The following LAMA4 variants were observed in gnomAD, a reference collection of about 807,000 sequenced individuals.
LAMA4 encodes laminin subunit alpha 4, also known as laminin subunit alpha-4.
Under a neutral mutation model 207.1 loss-of-function variants are expected in LAMA4, and 127 were observed. The ratio of observed to expected loss-of-function variants is 0.61; its 90% CI spans 0.53 to 0.71. LAMA4 has a LOEUF of 0.71. Among genes scored for constraint, LAMA4 ranks in the 30% least tolerant of loss-of-function variants. The pLI is 0.00. For synonymous variants in LAMA4, 761 were observed against 816.0 expected (o/e 0.93, Z 1.15); for missense variants, 2,093 against 2,246.5 (o/e 0.93, Z 1.38).
intron 24 of LAMA4, among the ~76,000 whole-genome samples, chr6:112,137,045 AAAG>A (rs1554331819): frequency 1.3e-5 from 2 of 152,178 alleles, no homozygotes; most frequent in African/African-American, 2.4e-5. Flanking sequence ...GGATTTAAAA[AAAG>A]AAGGCCATTG....
At position 112,224,437 on chromosome 6, in the gene LAMA4, T is replaced by A. The variant is rs186650849; in HGVS notation, c.196-7968A>T. ...CACTGGCTCTGCTTCCTTCATGCTA[T>A]GCTGATCCATGCCTCCATCCATCGT... On this transcript the variant is annotated intron_variant, in intron 2 of 38. Coordinates refer to ENST00000230538, the MANE Select transcript of LAMA4 (RefSeq NM_001105206.3). Among the ~76,000 whole-genome samples the A allele has an allele frequency of 7.5e-4, 114 of 152,310 alleles. 1 individual carries two copies. Among genetic ancestry groups the A allele is most frequent in the Admixed American group, 2.5e-3 (38 of 15,300 alleles).
chr6:112,141,647 C>G lies in LAMA4; in HGVS notation c.2668-144G>C, dbSNP rs1305480985. 22 of 692,762 alleles carry G rather than the reference C, an allele frequency of 3.2e-5. No individual in the cohort carries two copies. In the Admixed American group the frequency reaches 4.5e-4, roughly 14 times the overall value. 42.9% of individuals were successfully genotyped at this position (692,762 alleles called of 1,614,324 possible). A position where few individuals can be genotyped will look rare whatever the true frequency, so the allele number is the denominator to read the frequency against. The stretch of plus-strand genomic sequence containing the variant: ...AATTATTATCCGAAGCTCCTGTGAG[C>G]AGGCAGTGTCTCTTCCTTTCCAGCC... On this transcript the variant is annotated intron_variant, in intron 20 of 38. Coordinates refer to ENST00000230538, the MANE Select transcript of LAMA4 (RefSeq NM_001105206.3).
chr6:112,191,892 T>C, intron 5 of LAMA4, 42 bp from the exon 6 acceptor site: 1 of 1,391,014 alleles, frequency 7.2e-7, no homozygotes, highest in Non-Finnish European at 1.0e-6. Context: ...AGCATCATGG[T>C]TTTTCTTCCT....
intron 21 of LAMA4, 43 bp from the exon 22 acceptor site, chr6:112,140,965 A>G (rs1554333047): frequency 6.5e-7 from 1 of 1,540,656 alleles, no homozygotes; most frequent in East Asian, 2.3e-5. Context: ...TATAATTCAT[A>G]GAAAATACTT....
chr6:112,216,789 G>A (rs1213628056), intron 2 of LAMA4: 2 of 359,236 alleles, frequency 5.6e-6, no homozygotes, highest in East Asian at 7.0e-5. Flanking sequence ...AGAAAAAAAT[G>A]CTAATGTTTT....
At chr6:112,134,387 C>T (rs1311116610) in intron 26 of LAMA4, 80 bp downstream of exon 26, 10 of 1,416,806 alleles carry the variant, frequency 7.1e-6, no homozygotes, top group Non-Finnish European at 1.0e-5. Context: ...AGGGTGCGTA[C>T]ACTGTTACTA....
At position 112,114,766 on chromosome 6, in the gene LAMA4, A is replaced by T. The variant is rs1777913439; in HGVS notation, c.5113-10T>A. On this transcript the variant is annotated splice_polypyrimidine_tract_variant and intron_variant, in intron 36 of 38. Coordinates refer to ENST00000230538, the MANE Select transcript of LAMA4 (RefSeq NM_001105206.3). ...TGACTTTCACTATGACCTGCAAAAGATAGGACACATTGTATGATTTAGTTT... is the reference window on the plus strand; with the variant it reads ...TGACTTTCACTATGACCTGCAAAAGTTAGGACACATTGTATGATTTAGTTT... 2 of 1,559,726 alleles carry T rather than the reference A, an allele frequency of 1.3e-6. No homozygotes were observed. Among genetic ancestry groups the T allele is most frequent in the Non-Finnish European group, 1.8e-6 (2 of 1,130,672 alleles).
chr6:112,216,945 T>A (rs1554358973), intron 2 of LAMA4, among the ~76,000 whole-genome samples: 1 of 152,208 alleles, frequency 6.6e-6, no homozygotes, highest in Non-Finnish European at 1.5e-5. Flanking sequence ...CAACTGAGTC[T>A]TTCATGAACT....
At chr6:112,183,471 C>G (rs1264957868) in intron 9 of LAMA4, among the ~76,000 whole-genome samples, 1 of 152,062 alleles carries the variant, frequency 6.6e-6, no homozygotes, top group Non-Finnish European at 1.5e-5. Context: ...TGTCCGGGAG[C>G]CTTTTCTACT....
chr6:112,125,075 G>A (rs1778610061), intron 31 of LAMA4, among the ~76,000 whole-genome samples: 1 of 152,290 alleles, frequency 6.6e-6, no homozygotes, highest in South Asian at 2.1e-4. Context: ...ATCTAAGATA[G>A]GATAGTATTG....
At chr6:112,218,561 T>C (rs1206631537) in intron 2 of LAMA4, 1 of 152,204 alleles carries the variant, frequency 6.6e-6, no homozygotes, top group Non-Finnish European at 1.5e-5. Context: ...TGCTCTCTCC[T>C]AAGGGTGGAT....
chr6:112,235,821 G>A (rs1360051065), intron 2 of LAMA4, among the ~76,000 whole-genome samples: 1 of 152,126 alleles, frequency 6.6e-6, no homozygotes. Flanking sequence ...CATGGTTTAA[G>A]GGGTTGATAG....
chr6:112,190,940 T>C (rs368385263), intron 6 of LAMA4, among the ~76,000 whole-genome samples: 92 of 51,508 alleles, frequency 1.8e-3, no homozygotes, highest in African/African-American at 6.2e-3. Flanking sequence ...TCTTTCTTTC[T>C]TTCTTTCCTT....
At chr6:112,182,782 AGC>A (rs1782445253) in intron 9 of LAMA4, among the ~76,000 whole-genome samples, 1 of 152,200 alleles carries the variant, frequency 6.6e-6, no homozygotes, top group Non-Finnish European at 1.5e-5. Context: ...CTCTGCTTGT[AGC>A]CCAGTGACAC....
chr6:112,226,498 C>G (rs1785221528), intron 2 of LAMA4, among the ~76,000 whole-genome samples: 1 of 152,204 alleles, frequency 6.6e-6, no homozygotes, highest in African/African-American at 2.4e-5. Flanking sequence ...GACTTTCAGA[C>G]TCAGTCACTC....
intron 2 of LAMA4, among the ~76,000 whole-genome samples, chr6:112,248,135 G>A (rs931324114): frequency 2.0e-5 from 3 of 152,166 alleles, no homozygotes; most frequent in African/African-American, 4.8e-5. Context: ...AAATGAAAAA[G>A]TTCTGGAGAT....
intron 5 of LAMA4, among the ~76,000 whole-genome samples, chr6:112,198,836 C>A (rs1386308137): frequency 6.6e-6 from 1 of 152,100 alleles, no homozygotes; most frequent in Non-Finnish European, 1.5e-5. Context: ...AGCATTTACT[C>A]AGTGCCAGGT....
chr6:112,244,683 G>A (rs941999999), intron 2 of LAMA4, among the ~76,000 whole-genome samples: 1 of 152,108 alleles, frequency 6.6e-6, no homozygotes, highest in African/African-American at 2.4e-5. Flanking sequence ...ATTGTGTCCC[G>A]GGGTCAAGCA....
At chr6:112,189,064 A>T (rs782496467) in intron 7 of LAMA4, 46 bp downstream of exon 7, 1 of 1,327,576 alleles carries the variant, frequency 7.5e-7, no homozygotes. Context: ...CACCTGCAGC[A>T]CATTAGAGAA....
Sources: allele counts gnomAD v4.1 joint callset (sites outside exome capture counted in the v4.1 genomes callset), GRCh38; gene constraint gnomAD v4.1.1; transcripts MANE v1.5; gene names NCBI Gene and HGNC (gene_info 2026-07-23, HGNC 2026-07-21).